Variants in CIMAP1A observed in about 807,000 individuals in gnomAD.
The protein encoded by CIMAP1A is ciliary microtubule associated protein 1A.
At chr11:198,314 C>T in the CIMAP1A span, 1 of 1,613,790 alleles carries the variant, frequency 6.2e-7, no homozygotes, top group South Asian at 1.1e-5. Flanking sequence ...CGCAGCAGCC[C>T]CAACCATCCT....
the CIMAP1A span, chr11:200,019 G>T: frequency 6.2e-7 from 1 of 1,614,024 alleles, no homozygotes; most frequent in South Asian, 1.1e-5. Flanking sequence ...TCCCCTGCTG[G>T]TTGATGTGGA....
chr11:197,690 G>A, the CIMAP1A span: 3 of 1,613,776 alleles, frequency 1.9e-6, no homozygotes, highest in South Asian at 3.3e-5. Flanking sequence ...CTGAGGACTG[G>A]CAAGGACCTT....
At chr11:196,957 T>TCC in the CIMAP1A span, 1 of 174,864 alleles carries the variant, frequency 5.7e-6, no homozygotes, top group Non-Finnish European at 1.2e-5. Context: ...TCCCTGCCCC[T>TCC]CAGCTCAGCC....
chr11:198,362 G>A, the CIMAP1A span: 339 of 1,613,406 alleles, frequency 2.1e-4, no homozygotes, highest in South Asian at 2.4e-3. Flanking sequence ...TGGGGTGTGT[G>A]ACATGGGGCA....
At chr11:198,930 G>A in the CIMAP1A span, 1 of 1,201,274 alleles carries the variant, frequency 8.3e-7, no homozygotes, top group Admixed American at 4.2e-5. Context: ...GGGGAGGAGG[G>A]TCCTGGTTTC....
At chr11:198,798 A>G in the CIMAP1A span, 1 of 1,421,840 alleles carries the variant, frequency 7.0e-7, no homozygotes, top group South Asian at 1.5e-5. Flanking sequence ...TGGCCCCAGC[A>G]TGGACCGTGC....
chr11:197,664 T>C, the CIMAP1A span: 5 of 1,613,702 alleles, frequency 3.1e-6, no homozygotes, highest in Non-Finnish European at 4.2e-6. Context: ...CCCGTTACAA[T>C]GTAAACCCCA....
chr11:198,851 G>A, the CIMAP1A span: 47 of 1,343,762 alleles, frequency 3.5e-5, no homozygotes, highest in Non-Finnish European at 3.8e-5. Flanking sequence ...TCTGGAGAGA[G>A]AGAGGCAATC....
the CIMAP1A span, chr11:199,567 G>A: frequency 7.3e-6 from 10 of 1,371,132 alleles, no homozygotes; most frequent in African/African-American, 8.9e-5. Context: ...GGCCCAGAGG[G>A]ATGTGTAGGA....
the CIMAP1A span, chr11:197,854 GGA>G: frequency 8.6e-6 from 13 of 1,513,554 alleles, no homozygotes; most frequent in Admixed American, 1.4e-4. Flanking sequence ...CAAGGGTGTG[GGA>G]GAGCTCAGCC....
the CIMAP1A span, chr11:196,761 C>T: frequency 6.6e-6 from 1 of 151,346 alleles, no homozygotes; most frequent in African/African-American, 2.4e-5. Flanking sequence ...GAGTGGGGGA[C>T]CTCTCCCCAA....
the CIMAP1A span, chr11:199,470 G>C: frequency 6.4e-7 from 1 of 1,561,744 alleles, no homozygotes; most frequent in Non-Finnish European, 8.7e-7. Flanking sequence ...CAGGGGACAA[G>C]ACCCTCAAGC....
At chr11:198,773 A>T in the CIMAP1A span, 1 of 1,435,956 alleles carries the variant, frequency 7.0e-7, no homozygotes, top group African/African-American at 1.4e-5. Flanking sequence ...GCAACAGGCC[A>T]GAAGGGAGAC....
the CIMAP1A span, chr11:198,643 C>T: frequency 5.8e-6 from 9 of 1,555,444 alleles, no homozygotes; most frequent in African/African-American, 1.4e-5. Context: ...AACCCTCCCC[C>T]GGAACCCAGG....
the CIMAP1A span, chr11:197,510 G>A: frequency 6.2e-7 from 1 of 1,600,376 alleles, no homozygotes; most frequent in Admixed American, 1.7e-5. Context: ...CTCCCAGCGG[G>A]GAGAAGGGCA....
the CIMAP1A span, chr11:200,228 C>T: frequency 5.2e-6 from 3 of 579,640 alleles, no homozygotes; most frequent in African/African-American, 1.9e-5. Flanking sequence ...TTCTGCTGTG[C>T]CCAAATTATT....
the CIMAP1A span, chr11:198,377 G>A: frequency 7.4e-6 from 12 of 1,613,226 alleles, no homozygotes; most frequent in East Asian, 6.7e-5. Flanking sequence ...GGGGCAGCCC[G>A]ACGGCTGATC....
chr11:199,920 C>A, the CIMAP1A span: 23 of 1,613,038 alleles, frequency 1.4e-5, no homozygotes, highest in Non-Finnish European at 1.8e-5. Context: ...GTGCTGGTTC[C>A]TATCATAGCC....
At chr11:199,338 C>T in the CIMAP1A span, 5 of 1,555,380 alleles carry the variant, frequency 3.2e-6, no homozygotes, top group African/African-American at 1.4e-5. Context: ...CTGGGTAGGC[C>T]GAGTTGGTCT....
Sources: gnomAD v4.1 joint callset for allele counts on GRCh38, gnomAD v4.1.1 for gene constraint, MANE v1.5 for transcripts, NCBI Gene and HGNC (gene_info 2026-07-23, HGNC 2026-07-21) for gene names.